LPAR1: variants seen among roughly 807,000 people sequenced by gnomAD.
The protein encoded by LPAR1 is LPA receptor 1.
Under a neutral mutation model 23.8 loss-of-function variants are expected in LPAR1, and 5 were observed. That is an observed-to-expected ratio of 0.21 (90% confidence interval 0.11 to 0.44). The LOEUF (loss-of-function observed/expected upper bound fraction) is 0.44, where lower values mean the gene tolerates loss of function less well. LPAR1 is among the 20% of genes least tolerant of loss of function. The pLI, the probability that LPAR1 is intolerant of heterozygous loss-of-function variation, is 0.99. For missense variants in LPAR1, 311 were observed against 482.8 expected (o/e 0.64, Z 3.33); for synonymous variants, 160 against 164.7 (o/e 0.97, Z 0.22).
chr9:110,895,941 G>A (rs72764216), intron 5 of LPAR1, among the ~76,000 whole-genome samples: 24,925 of 152,172 alleles, frequency 0.16, 2,605 homozygotes, highest in Admixed American at 0.24. Context: ...TGCTTCTCAT[G>A]CCATTTACCC....
Position 110,899,450 on chromosome 9 carries a change from A to G in LPAR1, c.794-23728T>C, listed in dbSNP as rs61218286. Among the ~76,000 whole-genome samples, 572 of 152,348 alleles carry G rather than the reference A, an allele frequency of 3.8e-3. 2 individuals are homozygous for G. The highest frequency in any genetic ancestry group is 0.013 in the African/African-American group (525 of 41,586). ...TGGGAGAATATAGAGATGAAATAAT[A>G]CACAGACCTGGCTTGAGGAGACTAG... On this transcript the variant is annotated intron_variant, in intron 5 of 5. Transcript: ENST00000683809.
chr9:110,893,671 G>A (rs2085292644), intron 5 of LPAR1, among the ~76,000 whole-genome samples: 1 of 152,138 alleles, frequency 6.6e-6, no homozygotes, highest in Non-Finnish European at 1.5e-5. Flanking sequence ...GTTTTTCTAA[G>A]CCTGTCCAGG....
intron 2 of LPAR1, among the ~76,000 whole-genome samples, chr9:110,984,031 G>A (rs1237559780): frequency 6.6e-6 from 1 of 151,908 alleles, no homozygotes; most frequent in Admixed American, 6.6e-5. Context: ...ATATTCTGAT[G>A]CAGGCATGCA....
intron 5 of LPAR1, among the ~76,000 whole-genome samples, chr9:110,900,154 T>C (rs1333529940): frequency 1.3e-5 from 2 of 152,216 alleles, no homozygotes; most frequent in Non-Finnish European, 2.9e-5. Context: ...AGAAATCTGA[T>C]GTGAGTCCTT....
intron 5 of LPAR1, among the ~76,000 whole-genome samples, chr9:110,919,165 G>A (rs1184595193): frequency 6.6e-6 from 1 of 152,148 alleles, no homozygotes; most frequent in African/African-American, 2.4e-5. Flanking sequence ...ACTTAAGTGA[G>A]CTCTCACAGA....
At chr9:110,876,745 T>C (rs997927322) in intron 5 of LPAR1, among the ~76,000 whole-genome samples, 4 of 152,236 alleles carry the variant, frequency 2.6e-5, no homozygotes, top group Non-Finnish European at 5.9e-5. Context: ...CTTCCCCCAA[T>C]TATTCTGAAT....
chr9:110,921,946 C>T (rs1437586087), intron 5 of LPAR1, among the ~76,000 whole-genome samples: 1 of 152,230 alleles, frequency 6.6e-6, no homozygotes, highest in African/African-American at 2.4e-5. Flanking sequence ...TACCAAACCA[C>T]ATCAGAGCCT....
chr9:110,899,617 A>G (rs913547284), intron 5 of LPAR1, among the ~76,000 whole-genome samples: 6 of 152,192 alleles, frequency 3.9e-5, no homozygotes, highest in African/African-American at 1.4e-4. Flanking sequence ...ATCAACTTCA[A>G]TGTGTACACG....
intron 2 of LPAR1, among the ~76,000 whole-genome samples, chr9:111,021,029 C>T (rs1179365634): frequency 2.0e-5 from 3 of 151,976 alleles, no homozygotes; most frequent in African/African-American, 7.3e-5. Flanking sequence ...AACATATTCA[C>T]GTTACAATAA....
chr9:110,979,052 A>C (rs1024772), intron 2 of LPAR1, among the ~76,000 whole-genome samples: 1 of 151,880 alleles, frequency 6.6e-6, no homozygotes, highest in African/African-American at 2.4e-5. Context: ...ATGATGATAC[A>C]TGGTATTCTT....
At chr9:110,975,908 T>C (rs2096544176) in intron 2 of LPAR1, among the ~76,000 whole-genome samples, 1 of 152,234 alleles carries the variant, frequency 6.6e-6, no homozygotes. Context: ...TAAAATAGTG[T>C]ATGCTTACTT....
At chr9:111,008,951 G>C (rs1229461871) in intron 2 of LPAR1, among the ~76,000 whole-genome samples, 3 of 152,128 alleles carry the variant, frequency 2.0e-5, no homozygotes. Context: ...AGAATGGGGA[G>C]TGGGGTGGGA....
At chr9:110,958,858 TAAA>T (rs199964171) in intron 4 of LPAR1, among the ~76,000 whole-genome samples, 1 of 128,752 alleles carries the variant, frequency 7.8e-6, no homozygotes, top group Admixed American at 7.8e-5. Context: ...AGTCAAGAGT[TAAA>T]AAAAAAAAAA....
rs1564316925 is a variant in LPAR1, at chr9:111,005,575, A to AAAAAAAAAAG, written c.-182+30546_-182+30547insCTTTTTTTTT. Among the ~76,000 whole-genome samples, 326 of 131,376 alleles carry AAAAAAAAAAG rather than the reference A, an allele frequency of 2.5e-3. 3 individuals carry two copies. Among genetic ancestry groups the AAAAAAAAAAG allele is most frequent in the African/African-American group, 0.01 (313 of 30,832 alleles). 86.2% of individuals were successfully genotyped at this position (131,376 alleles called of 152,430 possible). A position where few individuals can be genotyped will look rare whatever the true frequency, so the allele number is the denominator to read the frequency against. ...AAAAAAAAAAAAAAAAAAAAAAAAA[A>AAAAAAAAAAG]AAGAAGAATTGGGAAGGAGGAAGCA... On this transcript the variant is annotated intron_variant, in intron 2 of 5. Transcript: ENST00000683809.
At chr9:110,878,350 G>A (rs1396590593) in intron 5 of LPAR1, among the ~76,000 whole-genome samples, 1 of 152,148 alleles carries the variant, frequency 6.6e-6, no homozygotes, top group Non-Finnish European at 1.5e-5. Flanking sequence ...TACAGAAGAC[G>A]AAAATGGGGG....
At chr9:110,951,825 CTT>C (rs2095579305) in intron 4 of LPAR1, among the ~76,000 whole-genome samples, 1 of 152,046 alleles carries the variant, frequency 6.6e-6, no homozygotes, top group Non-Finnish European at 1.5e-5. Context: ...AATTGCCACT[CTT>C]TTAAAATATC....
chr9:110,897,377 C>A (rs889693777), intron 5 of LPAR1, among the ~76,000 whole-genome samples: 2 of 152,156 alleles, frequency 1.3e-5, no homozygotes, highest in Non-Finnish European at 2.9e-5. Context: ...CCTTCCTCCA[C>A]GATTGTGTGG....
In LPAR1 at chr9:110,875,658, C is replaced by T. The variant is rs1454983307; in HGVS notation, c.858G>A (p.Gln286=). 2.5e-6 allele frequency: 4 copies of T among 1,614,018 alleles called. No homozygotes were observed. Among genetic ancestry groups the T allele is most frequent in the Middle Eastern group, 1.6e-4 (1 of 6,062 alleles). The part of the protein sequence containing the change: ...VLLLLDVCCP[Q]CDVLAYEKFF... ...ATTTCTCATAGGCCAGCACGTCGCA[C>T]TGTGGACAGCACACGTCTAGAAGTA... Residue 286 remains glutamine, a synonymous_variant, in exon 6 of 6, where the codon CAG becomes CAA. Transcript: ENST00000683809.
At chr9:110,985,409 G>T (rs575422539) in intron 2 of LPAR1, among the ~76,000 whole-genome samples, 1 of 116,436 alleles carries the variant, frequency 8.6e-6, no homozygotes, top group South Asian at 3.2e-4. Flanking sequence ...TTTTCAAATT[G>T]GTCTAAAAGT....
Sources: gnomAD v4.1 joint callset for allele counts (sites outside exome capture counted in the v4.1 genomes callset) on GRCh38, gnomAD v4.1.1 for gene constraint, MANE v1.5 for transcripts, NCBI Gene and HGNC (gene_info 2026-07-23, HGNC 2026-07-21) for gene names.